The following PRIM2 variants were observed in gnomAD, a reference collection of about 807,000 sequenced individuals.
PRIM2 encodes DNA primase subunit 2.
A neutral mutation model predicts 67.3 loss-of-function variants in PRIM2; 39 were observed. The observed-to-expected ratio is 0.58, with a 90% CI of 0.45 to 0.76. The LOEUF (loss-of-function observed/expected upper bound fraction) is 0.76. Ranked by LOEUF, PRIM2 falls within the 30% of genes least tolerant of loss-of-function variation. The pLI is 0.00. For synonymous variants in PRIM2, 143 were observed against 198.7 expected (o/e 0.72, Z 2.36); for missense variants, 398 against 598.7 (o/e 0.66, Z 3.50).
intron 7 of PRIM2, 69 bp from the exon 8 acceptor site, chr6:57,507,318 C>T: frequency 9.0e-7 from 1 of 1,115,860 alleles, no homozygotes; most frequent in Non-Finnish European, 1.3e-6. Context: ...GCTCGTTTTA[C>T]ATTTAGTATT....
intron 5 of PRIM2, among the ~76,000 whole-genome samples, chr6:57,335,244 C>T (rs1768190499): frequency 6.6e-6 from 1 of 152,244 alleles, no homozygotes; most frequent in Non-Finnish European, 1.5e-5. Flanking sequence ...GCTAGCACAG[C>T]AGTCTGAGAT....
At position 57,645,335 on chromosome 6, in the gene PRIM2, A is replaced by T. The variant is rs1252866310; in HGVS notation, c.1300-593A>T. ...TACAATGTCATTCACACACACACAC[A>T]CACACACACACACACACACACACAC... is the stretch of plus-strand genomic sequence containing the variant. On this transcript the variant is annotated intron_variant, in intron 13 of 13. Transcript: ENST00000615550. 2.3e-5 allele frequency among the ~76,000 whole-genome samples: 3 copies of T among 128,238 alleles called. No individual in the cohort carries two copies. In the East Asian group the frequency reaches 6.5e-4, roughly 28 times the overall value. The allele number at this position is 128,238 out of a possible 152,430, so 84.1% of individuals were successfully genotyped here. A position where few individuals can be genotyped will look rare whatever the true frequency, so the allele number is the denominator to read the frequency against.
chr6:57,363,664 C>T (rs1769264248), intron 5 of PRIM2, among the ~76,000 whole-genome samples: 1 of 150,808 alleles, frequency 6.6e-6, no homozygotes, highest in Non-Finnish European at 1.5e-5. Context: ...CCACCCTGCT[C>T]TTAGTCTCCT....
At chr6:57,237,049 T>A in the PRIM2 span, among the ~76,000 whole-genome samples, 14 of 152,044 alleles carry the variant, frequency 9.2e-5, no homozygotes, top group Non-Finnish European at 5.9e-5. Context: ...AAAGTGTTCC[T>A]ATTTCTCCAC....
intron 12 of PRIM2, among the ~76,000 whole-genome samples, chr6:57,615,582 TG>T (rs1776741779): frequency 6.6e-6 from 1 of 152,306 alleles, no homozygotes; most frequent in Admixed American, 6.5e-5. Flanking sequence ...CTTATAATGG[TG>T]TGCTATGTCC....
At chr6:57,480,227 C>T (rs1773580917) in intron 7 of PRIM2, among the ~76,000 whole-genome samples, 1 of 152,134 alleles carries the variant, frequency 6.6e-6, no homozygotes, top group Non-Finnish European at 1.5e-5. Flanking sequence ...ATTTAGTAAG[C>T]AGTGGAAAAC....
the PRIM2 span, among the ~76,000 whole-genome samples, chr6:57,285,273 A>G: frequency 1.3e-5 from 2 of 152,236 alleles, no homozygotes; most frequent in African/African-American, 4.8e-5. Flanking sequence ...AACTCATTTT[A>G]TGAGGCCAGC....
chr6:57,632,861 A>G (rs1182064393), intron 13 of PRIM2, among the ~76,000 whole-genome samples: 4 of 152,212 alleles, frequency 2.6e-5, no homozygotes, highest in Non-Finnish European at 4.4e-5. Context: ...CCTAGATTGC[A>G]TATGGACCCC....
intron 7 of PRIM2, among the ~76,000 whole-genome samples, chr6:57,463,352 T>C (rs1773071401): frequency 6.6e-6 from 1 of 152,114 alleles, no homozygotes; most frequent in African/African-American, 2.4e-5. Flanking sequence ...ATTAGCCAGG[T>C]GTGGTGGCCT....
chr6:57,406,837 A>G (rs1263751729), intron 7 of PRIM2, among the ~76,000 whole-genome samples: 1 of 152,184 alleles, frequency 6.6e-6, no homozygotes, highest in Non-Finnish European at 1.5e-5. Context: ...CTTCAGAAAT[A>G]TCATGGAAAG....
At chr6:57,298,511 C>A in the PRIM2 span, among the ~76,000 whole-genome samples, 2 of 151,920 alleles carry the variant, frequency 1.3e-5, no homozygotes, top group African/African-American at 4.8e-5. Flanking sequence ...ACAGGTGGGG[C>A]CTTCGGGGGA....
At chr6:57,309,580 G>C in the PRIM2 span, among the ~76,000 whole-genome samples, 1 of 152,038 alleles carries the variant, frequency 6.6e-6, no homozygotes, top group African/African-American at 2.4e-5. Context: ...GGACATTTGG[G>C]TTGGTTCCAA....
chr6:57,464,787 T>C (rs1296328405), intron 7 of PRIM2, among the ~76,000 whole-genome samples: 1 of 152,050 alleles, frequency 6.6e-6, no homozygotes, highest in Non-Finnish European at 1.5e-5. Context: ...ATCATCATCA[T>C]TGTTTCCAAA....
chr6:57,476,451 G>GT (rs1773479484), intron 7 of PRIM2, among the ~76,000 whole-genome samples: 1 of 152,126 alleles, frequency 6.6e-6, no homozygotes, highest in South Asian at 2.1e-4. Flanking sequence ...GTGAACTACA[G>GT]TTCCACAAGA....
chr6:57,572,677 A>G (rs1775883856), intron 10 of PRIM2, among the ~76,000 whole-genome samples: 1 of 152,206 alleles, frequency 6.6e-6, no homozygotes, highest in Non-Finnish European at 1.5e-5. Flanking sequence ...GGGAATAGAG[A>G]GATGTCCCTG....
chr6:57,371,849 A>G (rs937776688), intron 5 of PRIM2, among the ~76,000 whole-genome samples: 4 of 152,186 alleles, frequency 2.6e-5, no homozygotes, highest in African/African-American at 9.6e-5. Flanking sequence ...TTCCTCTCAG[A>G]TATTTTCTGC....
upstream of PRIM2, among the ~76,000 whole-genome samples, chr6:57,315,853 T>G (rs1003999349): frequency 4.9e-4 from 74 of 152,356 alleles, 1 homozygote; most frequent in Admixed American, 4.7e-3. Flanking sequence ...TTGTTTGCTA[T>G]CCAGAGATAA....
At chr6:57,564,688 G>A (rs1353511290) in intron 10 of PRIM2, among the ~76,000 whole-genome samples, 1 of 152,138 alleles carries the variant, frequency 6.6e-6, no homozygotes, top group Non-Finnish European at 1.5e-5. Flanking sequence ...GTTTTTATTT[G>A]TGAGAAGGTA....
intron 7 of PRIM2, among the ~76,000 whole-genome samples, chr6:57,470,244 C>T (rs1330619067): frequency 9.2e-5 from 14 of 151,540 alleles, no homozygotes; most frequent in Non-Finnish European, 1.6e-4. Flanking sequence ...TATTTCCTCA[C>T]TCTGGATAAC....
Sources: allele counts gnomAD v4.1 joint callset (sites outside exome capture counted in the v4.1 genomes callset), GRCh38; gene constraint gnomAD v4.1.1; transcripts MANE v1.5; gene names NCBI Gene and HGNC (gene_info 2026-07-23, HGNC 2026-07-21).